Variants in CHCHD3 observed in about 807,000 individuals in gnomAD.
The protein encoded by CHCHD3 is coiled-coil-helix-coiled-coil-helix domain containing 3.
Under a neutral mutation model 38.2 loss-of-function variants are expected in CHCHD3, and 20 were observed. The ratio of observed to expected loss-of-function variants is 0.52; its 90% CI spans 0.37 to 0.76. The LOEUF is 0.76. Among genes scored for constraint, CHCHD3 ranks in the 30% least tolerant of loss-of-function variants. The pLI, the probability that CHCHD3 is intolerant of heterozygous loss-of-function variation, is 0.00. For synonymous variants in CHCHD3, 82 were observed against 100.0 expected, an observed-to-expected ratio of 0.82 and a Z score of 1.07; for missense variants, 245 against 279.2, an observed-to-expected ratio of 0.88 and a Z score of 0.87.
intron 2 of CHCHD3, among the ~76,000 whole-genome samples, chr7:133,043,413 G>A (rs1024880284): frequency 3.3e-5 from 5 of 152,166 alleles, no homozygotes; most frequent in South Asian, 2.1e-4. Context: ...AGGCCAAGGC[G>A]GGCAGATTAC....
chr7:132,809,730 C>T (rs529250788), intron 6 of CHCHD3, among the ~76,000 whole-genome samples: 4 of 152,258 alleles, frequency 2.6e-5, no homozygotes, highest in South Asian at 4.1e-4. Context: ...GTATAACAGC[C>T]GAAGAGCGCA....
chr7:132,949,813 G>A (rs186279054), intron 4 of CHCHD3, among the ~76,000 whole-genome samples: 1 of 152,152 alleles, frequency 6.6e-6, no homozygotes, highest in Admixed American at 6.5e-5. Flanking sequence ...AGTTAGGAGT[G>A]CAGTATGAAA....
chr7:132,905,433 C>T (rs1393217616), intron 4 of CHCHD3, among the ~76,000 whole-genome samples: 1 of 151,938 alleles, frequency 6.6e-6, no homozygotes, highest in African/African-American at 2.4e-5. Context: ...AAACAACACA[C>T]ACTGGGGCCT....
chr7:132,921,104 A>T (rs752086988), intron 4 of CHCHD3, among the ~76,000 whole-genome samples: 1 of 152,244 alleles, frequency 6.6e-6, no homozygotes, highest in Non-Finnish European at 1.5e-5. Flanking sequence ...CCCATGGAAT[A>T]TCATTAAGTA....
At chr7:132,954,298 GC>G (rs1811106092) in intron 4 of CHCHD3, among the ~76,000 whole-genome samples, 1 of 152,150 alleles carries the variant, frequency 6.6e-6, no homozygotes, top group South Asian at 2.1e-4. Flanking sequence ...AAACCCATGG[GC>G]TGCTATTCTA....
Position 132,998,226 on chromosome 7 carries a change from C to T in CHCHD3, c.252-22940G>A, listed in dbSNP as rs145490740. Among the ~76,000 whole-genome samples the T allele has an allele frequency of 4.6e-4, 70 of 152,222 alleles. 1 individual carries two copies. Among genetic ancestry groups the T allele is most frequent in the African/African-American group, 1.5e-3 (62 of 41,528 alleles). On this transcript the variant is annotated intron_variant, in intron 3 of 7. Transcript: ENST00000262570. The stretch of plus-strand genomic sequence containing the variant: ...TACTTTGACAGAGTTGCATAACATC[C>T]TAAAATGTTTTGAACAATGCAGTTT...
In CHCHD3 at chr7:133,030,902, T is replaced by C. The variant is rs538539850; in HGVS notation, c.170-6275A>G. ...TAAACCATTTACTTGAAACCATTAC[T>C]GAAAATAATAAATACTTGGATGATT... On this transcript the variant is annotated intron_variant, in intron 2 of 7. Transcript: ENST00000262570. Among the ~76,000 whole-genome samples, 18 of 152,298 alleles carry C rather than the reference T, an allele frequency of 1.2e-4. 1 individual carries two copies. Among genetic ancestry groups the C allele is most frequent in the Admixed American group, 1.2e-3 (18 of 15,300 alleles).
chr7:132,946,059 A>G (rs975773440), intron 4 of CHCHD3, among the ~76,000 whole-genome samples: 2 of 151,972 alleles, frequency 1.3e-5, no homozygotes, highest in African/African-American at 4.8e-5. Context: ...TTCTTATTAC[A>G]TCAAACATAA....
chr7:133,024,071 CTTACT>C (rs1813266007), intron 3 of CHCHD3, among the ~76,000 whole-genome samples: 1 of 152,150 alleles, frequency 6.6e-6, no homozygotes, highest in Non-Finnish European at 1.5e-5. Flanking sequence ...TATTTCCAAC[CTTACT>C]TATGTCTGTA....
chr7:133,056,055 G>T (rs1320647689), intron 2 of CHCHD3, among the ~76,000 whole-genome samples: 1 of 151,918 alleles, frequency 6.6e-6, no homozygotes, highest in Admixed American at 6.6e-5. Flanking sequence ...AACTGAGGAG[G>T]GAGGATTGTT....
chr7:132,942,471 T>C (rs1345138514), intron 4 of CHCHD3, among the ~76,000 whole-genome samples: 1 of 152,102 alleles, frequency 6.6e-6, no homozygotes, highest in Non-Finnish European at 1.5e-5. Context: ...CTCTAACAAC[T>C]ACAAGTTAAG....
intron 5 of CHCHD3, among the ~76,000 whole-genome samples, chr7:132,885,035 T>C (rs1809169198): frequency 6.6e-6 from 1 of 152,170 alleles, no homozygotes; most frequent in South Asian, 2.1e-4. Flanking sequence ...GCAGATGACT[T>C]GAGGCCAGGA....
chr7:132,927,519 T>C (rs1393735662), intron 4 of CHCHD3, among the ~76,000 whole-genome samples: 2 of 152,232 alleles, frequency 1.3e-5, no homozygotes, highest in Non-Finnish European at 2.9e-5. Flanking sequence ...TTTATAATAG[T>C]GTGCAACAGC....
At chr7:133,007,202 G>T (rs973195813) in intron 3 of CHCHD3, among the ~76,000 whole-genome samples, 3 of 152,170 alleles carry the variant, frequency 2.0e-5, no homozygotes, top group African/African-American at 7.2e-5. Flanking sequence ...GTGGGGTAAT[G>T]ATAAAACACA....
intron 2 of CHCHD3, among the ~76,000 whole-genome samples, chr7:133,025,118 C>G (rs928581233): frequency 8.5e-5 from 13 of 152,144 alleles, no homozygotes; most frequent in African/African-American, 2.9e-4. Context: ...ATGAAAAAAG[C>G]CATTTGTCAT....
intron 4 of CHCHD3, among the ~76,000 whole-genome samples, chr7:132,927,719 A>C (rs1562910824): frequency 6.6e-6 from 1 of 152,230 alleles, no homozygotes; most frequent in Non-Finnish European, 1.5e-5. Context: ...ACTGTCAGAA[A>C]GTCAGAACAG....
chr7:132,875,488 T>C (rs1808872926), intron 5 of CHCHD3, among the ~76,000 whole-genome samples: 1 of 152,202 alleles, frequency 6.6e-6, no homozygotes, highest in Admixed American at 6.5e-5. Flanking sequence ...TTTAACCTGA[T>C]GGATCTCTCT....
rs373177677 is a variant in CHCHD3 at position 132,983,120 on chromosome 7, G to A, written c.252-7834C>T. On this transcript the variant is annotated intron_variant, in intron 3 of 7. Coordinates refer to ENST00000262570, the MANE Select transcript of CHCHD3 (RefSeq NM_017812.4). ...GTGGATTACCTGAGGTCAGGAGTTC[G>A]AGACCAGCCTAGCCAACATGGCGAA... Among the ~76,000 whole-genome samples the A allele has an allele frequency of 1.5e-4, 23 of 151,930 alleles. No homozygotes were observed. The East Asian group carries it at 2.9e-3, about 19-fold the overall frequency.
chr7:132,861,940 T>A (rs944292655), intron 5 of CHCHD3, among the ~76,000 whole-genome samples: 4 of 152,208 alleles, frequency 2.6e-5, no homozygotes, highest in African/African-American at 9.7e-5. Context: ...ATGATTAGTA[T>A]AAATTGTATT....
Sources: allele counts gnomAD v4.1 joint callset (sites outside exome capture counted in the v4.1 genomes callset), GRCh38; gene constraint gnomAD v4.1.1; transcripts MANE v1.5; gene names NCBI Gene and HGNC (gene_info 2026-07-23, HGNC 2026-07-21).